Variants in FHIP1A observed in about 807,000 individuals in gnomAD.
The protein encoded by FHIP1A is FHF complex subunit HOOK interacting protein 1A, also known as FHF complex subunit HOOK-interacting protein 1A.
A neutral mutation model predicts 88.6 loss-of-function variants in FHIP1A; 61 were observed. The observed-to-expected ratio is 0.69, with a 90% CI of 0.56 to 0.85. The LOEUF (loss-of-function observed/expected upper bound fraction) is 0.85. Among genes scored for constraint, FHIP1A ranks in the 40% least tolerant of loss-of-function variants. The pLI is 0.00. For synonymous variants in FHIP1A, 478 were observed against 496.0 expected, an observed-to-expected ratio of 0.96 and a Z score of 0.48; for missense variants, 1,154 against 1,273.5, an observed-to-expected ratio of 0.91 and a Z score of 1.43.
intron 2 of FHIP1A, among the ~76,000 whole-genome samples, chr4:151,476,045 A>C (rs948627213): frequency 6.6e-6 from 1 of 151,436 alleles, no homozygotes; most frequent in African/African-American, 2.4e-5. Context: ...TATTTTTAGT[A>C]GAGACGGGGT....
chr4:151,507,789 A>G (rs1730888130), intron 3 of FHIP1A, among the ~76,000 whole-genome samples: 1 of 152,160 alleles, frequency 6.6e-6, no homozygotes, highest in Admixed American at 6.5e-5. Context: ...CTGTCCTCTG[A>G]GAGAGAGATG....
chr4:151,439,521 T>C (rs1716853354), intron 1 of FHIP1A, among the ~76,000 whole-genome samples: 1 of 152,022 alleles, frequency 6.6e-6, no homozygotes, highest in East Asian at 1.9e-4. Flanking sequence ...AAAGCTAGAG[T>C]TTTGGAACTC....
Position 151,534,040 on chromosome 4 carries a change from T to G in FHIP1A, c.-122-32098T>G, listed in dbSNP as rs561668430. On this transcript the variant is annotated intron_variant, in intron 3 of 13. Transcript: ENST00000435205. Reference sequence around the variant, plus strand: ...TGAAGTATATTTTGAGCATGTAGACTTAAATCTCAAATTGTAGATTGCTCT... The same window carrying G: ...TGAAGTATATTTTGAGCATGTAGACGTAAATCTCAAATTGTAGATTGCTCT... 4.6e-5 allele frequency among the ~76,000 whole-genome samples: 7 copies of G among 152,358 alleles called. No individual in the cohort carries two copies. The East Asian group carries it at 1.3e-3, about 29-fold the overall frequency.
At chr4:151,652,291 C>T (rs1737059143) in intron 11 of FHIP1A, among the ~76,000 whole-genome samples, 1 of 152,206 alleles carries the variant, frequency 6.6e-6, no homozygotes, top group Non-Finnish European at 1.5e-5. Flanking sequence ...CTAAAACCTT[C>T]CTTTTTCCTC....
At chr4:151,650,953 AT>A (rs1311143240) in intron 11 of FHIP1A, among the ~76,000 whole-genome samples, 1 of 152,160 alleles carries the variant, frequency 6.6e-6, no homozygotes, top group Non-Finnish European at 1.5e-5. Context: ...ATTTACATTT[AT>A]TTTTAACAAA....
chr4:151,465,820 A>G (rs1387697113), intron 2 of FHIP1A, among the ~76,000 whole-genome samples: 1 of 152,320 alleles, frequency 6.6e-6, no homozygotes, highest in East Asian at 1.9e-4. Context: ...ATAAAATTCA[A>G]CATCCCTTCA....
rs1661126194 is a variant in FHIP1A, at chr4:151,650,422, G to A, written c.2381G>A (p.Gly794Glu). 1 of 1,551,658 alleles carries A rather than the reference G, an allele frequency of 6.4e-7. No homozygotes were observed. ...GAAGAAGGGAAGGAAGAGAGTAAAG[G>A]AGAAAAGGAGAAGGAGGGGAAGAAG... ...KEEEGKEESKGEKEKEGKKEL... is the reference protein window; with the variant it reads ...KEEEGKEESKEEKEKEGKKEL... The change falls in exon 11 of 14, where the codon GGA becomes GAA. Residue 794 changes from glycine (G) to glutamate (E), a missense_variant. Transcript: ENST00000435205.
At chr4:151,507,630 G>A (rs2126672523) in intron 3 of FHIP1A, among the ~76,000 whole-genome samples, 1 of 152,236 alleles carries the variant, frequency 6.6e-6, no homozygotes, top group South Asian at 2.1e-4. Flanking sequence ...GTATGTTATA[G>A]GATATGCTTT....
rs116271647 is a variant in FHIP1A, at chr4:151,418,272, A to G, written c.-356+8807A>G. 2.9e-3 allele frequency among the ~76,000 whole-genome samples: 438 copies of G among 151,710 alleles called. 2 individuals are homozygous for G. Among genetic ancestry groups the G allele is most frequent in the African/African-American group, 0.01 (420 of 41,374 alleles). On this transcript the variant is annotated intron_variant, in intron 1 of 13. Coordinates refer to ENST00000435205, the MANE Select transcript of FHIP1A (RefSeq NM_001109977.3). ...ACACCAACTGACTTGATATTTACCT[A>G]CTGATTAAACTTAATGGTTAATGTT...
chr4:151,633,148 C>T (rs1053025502), intron 8 of FHIP1A, among the ~76,000 whole-genome samples: 4 of 151,646 alleles, frequency 2.6e-5, no homozygotes, highest in Admixed American at 2.6e-4. Context: ...CCTTATGCCA[C>T]AGAAATAAAA....
rs192281459 is a variant in FHIP1A at position 151,664,872 on chromosome 4, T to C, written c.*2118T>C. ...TTGATTCTTCTTGAATCCATATTTCTGCATTGTAGAATACCATGGTCCCCT... is the reference window on the plus strand; with the variant it reads ...TTGATTCTTCTTGAATCCATATTTCCGCATTGTAGAATACCATGGTCCCCT... On this transcript the variant is annotated 3_prime_UTR_variant, in exon 14 of 14. Coordinates refer to ENST00000435205, the MANE Select transcript of FHIP1A (RefSeq NM_001109977.3). Among the ~76,000 whole-genome samples the C allele has an allele frequency of 6.6e-6, 1 of 152,356 alleles. No individual in the cohort carries two copies. Among genetic ancestry groups the C allele is most frequent in the African/African-American group, 2.4e-5 (1 of 41,584 alleles).
At chr4:151,518,878 C>T (rs370300285) in intron 3 of FHIP1A, among the ~76,000 whole-genome samples, 3 of 152,064 alleles carry the variant, frequency 2.0e-5, no homozygotes, top group East Asian at 1.9e-4. Context: ...TGCAAAACAT[C>T]GATATGTTGT....
At chr4:151,440,934 C>T (rs959286870) in intron 1 of FHIP1A, among the ~76,000 whole-genome samples, 3 of 152,082 alleles carry the variant, frequency 2.0e-5, no homozygotes, top group African/African-American at 7.2e-5. Flanking sequence ...TCCTTAGTGT[C>T]GCCGAATGCA....
At chr4:151,590,378 T>C (rs979485904) in intron 7 of FHIP1A, among the ~76,000 whole-genome samples, 9 of 152,226 alleles carry the variant, frequency 5.9e-5, no homozygotes, top group African/African-American at 2.2e-4. Context: ...TAGCACACTT[T>C]AGTGTTACAG....
At chr4:151,417,070 G>C (rs1048809471) in intron 1 of FHIP1A, among the ~76,000 whole-genome samples, 2 of 152,168 alleles carry the variant, frequency 1.3e-5, no homozygotes, top group Non-Finnish European at 2.9e-5. Context: ...CCAGTGGAGG[G>C]TGTGCAGGTT....
At chr4:151,455,206 A>C (rs1314924846) in intron 2 of FHIP1A, among the ~76,000 whole-genome samples, 1 of 152,238 alleles carries the variant, frequency 6.6e-6, no homozygotes, top group Non-Finnish European at 1.5e-5. Flanking sequence ...TTGTACACTT[A>C]CTGGTTTGAA....
intron 1 of FHIP1A, among the ~76,000 whole-genome samples, chr4:151,412,440 T>C (rs1278379422): frequency 6.6e-6 from 1 of 152,146 alleles, no homozygotes; most frequent in African/African-American, 2.4e-5. Flanking sequence ...TACTCTTTGC[T>C]CCTGTATATT....
Position 151,586,670 on chromosome 4 carries a change from C to G in FHIP1A, c.762C>G (p.Tyr254Ter), listed in dbSNP as rs1427452042. The change falls in exon 6 of 14, where the codon TAC (tyrosine) becomes TAG (stop). Residue 254 changes from tyrosine to a stop codon, truncating the protein, a stop_gained. Transcript: ENST00000435205. LOFTEE classifies it high-confidence loss of function. ...PVLATGLSGL[Y>*]SSLPTKLEEK... ...TTGCAACTGGGCTCAGTGGTCTCTA[C>G]TCTTCCCTGCCTACAAAGCTAGAAG... 1 of 1,550,872 alleles carries G rather than the reference C, an allele frequency of 6.4e-7. No individual in the cohort carries two copies. Among genetic ancestry groups the G allele is most frequent in the Non-Finnish European group, 8.7e-7 (1 of 1,146,476 alleles).
rs1733837845 is a variant in FHIP1A, at chr4:151,577,497, A to G, written c.153A>G (p.Ala51=). ...EKHDPLKNTQ[A]KYGSIPPDEA... is the part of the protein sequence containing the mutation. ...ACGACCCCTTGAAGAACACCCAGGC[A>G]AAATATGGGTCTATCCCTCCAGATG... Residue 51 remains alanine (A), a synonymous_variant, in exon 5 of 14, where the codon GCA becomes GCG. Transcript: ENST00000435205. 1 of 1,547,818 alleles carries G rather than the reference A, an allele frequency of 6.5e-7. No individual in the cohort carries two copies. Among genetic ancestry groups the G allele is most frequent in the Non-Finnish European group, 8.7e-7 (1 of 1,144,330 alleles).
Sources: allele counts gnomAD v4.1 joint callset (sites outside exome capture counted in the v4.1 genomes callset), GRCh38; gene constraint gnomAD v4.1.1; transcripts MANE v1.5; gene names NCBI Gene and HGNC (gene_info 2026-07-23, HGNC 2026-07-21).